Variants in ALPK3 observed in about 807,000 individuals in gnomAD.
ALPK3 encodes the protein alpha-protein kinase 3.
Under a neutral mutation model 140.0 loss-of-function variants are expected in ALPK3, and 102 were observed. The ratio of observed to expected loss-of-function variants is 0.73; its 90% CI spans 0.62 to 0.86. The LOEUF is 0.86. Among genes scored for constraint, ALPK3 ranks in the 40% least tolerant of loss-of-function variants. The pLI is 0.00. For synonymous variants in ALPK3, 938 were observed against 898.5 expected, an observed-to-expected ratio of 1.04 and a Z score of -0.79; for missense variants, 2,254 against 2,208.2, an observed-to-expected ratio of 1.02 and a Z score of -0.42.
intron 3 of ALPK3, among the ~76,000 whole-genome samples, chr15:84,834,513 T>C (rs1383378271): frequency 1.3e-5 from 2 of 152,230 alleles, no homozygotes; most frequent in Non-Finnish European, 2.9e-5. Flanking sequence ...ACATAGTAAG[T>C]CTTCATTAAT....
Position 84,840,688 on chromosome 15 carries a change from T to TG in ALPK3, c.1410dup (p.Thr471AspfsTer6). On this transcript the variant is annotated frameshift_variant, in exon 5 of 14. Coordinates refer to ENST00000258888, the MANE Select transcript of ALPK3 (RefSeq NM_020778.5). LOFTEE classifies it high-confidence loss of function. ...GCTCCTGGCCAGCCCACACACTCCT[T>TG]GACCCCCCAGCCGACTAGGCCTTTC... 1 of 1,606,440 alleles carries TG rather than the reference T, an allele frequency of 6.2e-7. No homozygotes were observed. Among genetic ancestry groups the TG allele is most frequent in the Non-Finnish European group, 8.5e-7 (1 of 1,176,352 alleles).
At chr15:84,868,053 C>G in intron 13 of ALPK3, 58 bp from the exon 14 acceptor site, 1 of 1,536,770 alleles carries the variant, frequency 6.5e-7, no homozygotes, top group South Asian at 1.2e-5. Flanking sequence ...GAGTCCGCCC[C>G]CCAAGGAACT....
intron 5 of ALPK3, among the ~76,000 whole-genome samples, chr15:84,847,808 CA>C (rs1963749333): frequency 1.3e-5 from 2 of 152,166 alleles, no homozygotes; most frequent in African/African-American, 4.8e-5. Flanking sequence ...CCTGTAATCC[CA>C]GCACTGTGGG....
In ALPK3 at chr15:84,857,454, A is replaced by T. The variant is rs1249860975; in HGVS notation, c.2716A>T (p.Met906Leu). 6 of 1,613,596 alleles carry T rather than the reference A, an allele frequency of 3.7e-6. No individual in the cohort carries two copies. The highest frequency in any genetic ancestry group is 1.6e-4 in the Middle Eastern group (1 of 6,062). Residue 906 changes from methionine (M) to leucine (L), a missense_variant, in exon 6 of 14, where the codon ATG becomes TTG. By Grantham distance (15) the Met-to-Leu change is conservative (BLOSUM62 2). This residue lies in a region of ALPK3 where 2,088 missense variants were observed against 2,022.9 expected (regional missense o/e 1.03). Coordinates refer to ENST00000258888, the MANE Select transcript of ALPK3 (RefSeq NM_020778.5). The stretch of plus-strand genomic sequence containing the variant: ...CCTGCCCTCTGAGGATCAGGTCCTG[A>T]TGAGTTCTGCCCCAACACTGCACCT... ...TFLPSEDQVL[M>L]SSAPTLHLGL...
chr15:84,821,471 A>C (rs1165956649), intron 1 of ALPK3, among the ~76,000 whole-genome samples: 2 of 152,232 alleles, frequency 1.3e-5, no homozygotes, highest in East Asian at 1.9e-4. Flanking sequence ...AGAGAGGGAC[A>C]AATGAAATTT....
intron 12 of ALPK3, among the ~76,000 whole-genome samples, chr15:84,866,735 A>G (rs931964050): frequency 6.6e-6 from 1 of 152,154 alleles, no homozygotes; most frequent in Admixed American, 6.5e-5. Flanking sequence ...AGTCTTCTGT[A>G]GTGTTGCATT....
At chr15:84,844,866 A>G (rs1319882983) in intron 5 of ALPK3, among the ~76,000 whole-genome samples, 2 of 152,246 alleles carry the variant, frequency 1.3e-5, no homozygotes, top group African/African-American at 2.4e-5. Context: ...CAAAAAAAAA[A>G]AGGTGGAAAA....
chr15:84,849,506 C>T (rs139368271), intron 5 of ALPK3, among the ~76,000 whole-genome samples: 1 of 152,068 alleles, frequency 6.6e-6, no homozygotes, highest in Admixed American at 6.6e-5. Flanking sequence ...TAGATTATAT[C>T]CTGGACCATA....
intron 2 of ALPK3, among the ~76,000 whole-genome samples, chr15:84,825,680 A>AG (rs994298312): frequency 3.3e-5 from 5 of 152,236 alleles, no homozygotes; most frequent in African/African-American, 1.2e-4. Context: ...GGACATAATT[A>AG]GGGATGGTTT....
chr15:84,839,032 CT>C lies in ALPK3; in HGVS notation c.358del (p.Tyr120ThrfsTer53). The C allele has an allele frequency of 6.2e-7, 1 of 1,613,858 alleles. No individual in the cohort carries two copies. Among genetic ancestry groups the C allele is most frequent in the Non-Finnish European group, 8.5e-7 (1 of 1,179,868 alleles). The stretch of plus-strand genomic sequence containing the variant: ...ACAAGGATGATACGGAGCTGGACCG[CT>C]ACTGTGGCTTGCCAAAATATGAGAT... ...WYKDDTELDR[Y>X]CGLPKYEITH... On this transcript the variant is annotated frameshift_variant, in exon 4 of 14. Transcript: ENST00000258888. LOFTEE classifies it high-confidence loss of function.
chr15:84,831,191 T>C (rs1048054228), intron 3 of ALPK3, among the ~76,000 whole-genome samples: 1 of 152,206 alleles, frequency 6.6e-6, no homozygotes, highest in African/African-American at 2.4e-5. Context: ...CCAGTTTTTC[T>C]CTCTGGAAGC....
In ALPK3 at chr15:84,871,493, C is replaced by T. The variant is rs1378360105; in HGVS notation, c.*3037C>T. The T allele has an allele frequency of 2.0e-5, 3 of 152,220 alleles. No homozygotes were observed. Among genetic ancestry groups the T allele is most frequent in the African/African-American group, 7.2e-5 (3 of 41,456 alleles). 9.4% of individuals were successfully genotyped at this position (152,220 alleles called of 1,614,324 possible). A position where few individuals can be genotyped will look rare whatever the true frequency, so the allele number is the denominator to read the frequency against. On this transcript the variant is annotated 3_prime_UTR_variant, in exon 14 of 14. Transcript: ENST00000258888. Reference sequence around the variant, plus strand: ...TAGCTACTACGTCTTTGAGGATGTGCTCCTTGCTGGGGGACTAAACTCTCC... The same window carrying T: ...TAGCTACTACGTCTTTGAGGATGTGTTCCTTGCTGGGGGACTAAACTCTCC...
At chr15:84,865,483 A>C (rs1158369630) in intron 12 of ALPK3, among the ~76,000 whole-genome samples, 1 of 152,200 alleles carries the variant, frequency 6.6e-6, no homozygotes, top group Non-Finnish European at 1.5e-5. Context: ...GCTAGGTAAC[A>C]TTAAGCCATT....
At position 84,858,342 on chromosome 15, in the gene ALPK3, C is replaced by T. The variant is rs757982956; in HGVS notation, c.3604C>T (p.Pro1202Ser). Residue 1202 changes from proline (P) to serine (S), a missense_variant, in exon 6 of 14, where the codon CCT (proline) becomes TCT (serine). Pro to Ser is a moderately conservative substitution (Grantham distance 74). Around this residue, in one of 3 missense-constraint regions of ALPK3, gnomAD observed 2,088 missense variants for 2,022.9 expected, o/e 1.03. Coordinates refer to ENST00000258888, the MANE Select transcript of ALPK3 (RefSeq NM_020778.5). ...SPRGPRKSLV[P>S]GSPGTPGRER... ...CCGGGGGCCCAGGAAAAGCCTGGTGCCTGGGTCCCCAGGGACTCCAGGGCG... is the reference window on the plus strand; with the variant it reads ...CCGGGGGCCCAGGAAAAGCCTGGTGTCTGGGTCCCCAGGGACTCCAGGGCG... 66 of 1,557,306 alleles carry T rather than the reference C, an allele frequency of 4.2e-5. 3 individuals carry two copies. The South Asian group carries it at 7.4e-4, about 18-fold the overall frequency.
chr15:84,853,355 A>G (rs1963827312), intron 5 of ALPK3, among the ~76,000 whole-genome samples: 1 of 152,180 alleles, frequency 6.6e-6, no homozygotes, highest in African/African-American at 2.4e-5. Flanking sequence ...ACTCATGCCT[A>G]TAATTCCAGC....
At chr15:84,863,522 G>C (rs956977047) in intron 10 of ALPK3, 30 bp from the exon 11 acceptor site, 2 of 1,599,344 alleles carry the variant, frequency 1.3e-6, no homozygotes, top group Admixed American at 1.7e-5. Context: ...GAATTTCTTT[G>C]CTCACCACAT....
chr15:84,819,568 G>T (rs1000274769), intron 1 of ALPK3, among the ~76,000 whole-genome samples: 2 of 152,200 alleles, frequency 1.3e-5, no homozygotes, highest in African/African-American at 4.8e-5. Flanking sequence ...GGGAGCCACC[G>T]TACTGTCTGC....
rs1327071911 is a variant in ALPK3, at chr15:84,853,837, C to T, written c.1654-2555C>T. Among the ~76,000 whole-genome samples, 4 of 151,792 alleles carry T rather than the reference C, an allele frequency of 2.6e-5. No individual in the cohort carries two copies. The East Asian group carries it at 7.7e-4, about 29-fold the overall frequency. ...CGCCAAACTCTAATGTTTCCCACATCGATAACATTCATTCAAAATTCTGAA... is the reference window on the plus strand; with the variant it reads ...CGCCAAACTCTAATGTTTCCCACATTGATAACATTCATTCAAAATTCTGAA... On this transcript the variant is annotated intron_variant, in intron 5 of 13. Transcript: ENST00000258888.
chr15:84,851,625 C>CGT (rs145507117), intron 5 of ALPK3, among the ~76,000 whole-genome samples: 4 of 151,982 alleles, frequency 2.6e-5, no homozygotes, highest in Non-Finnish European at 5.9e-5. Context: ...TTTGAAAATA[C>CGT]GTGTGTGTGT....
Sources: gnomAD v4.1 joint callset for allele counts (sites outside exome capture counted in the v4.1 genomes callset) on GRCh38, gnomAD v4.1.1 for gene constraint, gnomAD v4.1.1 regional missense constraint, MANE v1.5 for transcripts, NCBI Gene and HGNC (gene_info 2026-07-23, HGNC 2026-07-21) for gene names.